The following FAM186A variants were observed in gnomAD, a reference collection of about 807,000 sequenced individuals.
FAM186A encodes family with sequence similarity 186 member A.
A neutral mutation model predicts 216.8 loss-of-function variants in FAM186A; 163 were observed. The observed-to-expected ratio is 0.75, with a 90% CI of 0.66 to 0.86. The LOEUF (loss-of-function observed/expected upper bound fraction) is 0.86, where lower values mean the gene tolerates loss of function less well. Among genes scored for constraint, FAM186A ranks in the 40% least tolerant of loss-of-function variants. The pLI, the probability that FAM186A is intolerant of heterozygous loss-of-function variation, is 0.00. For missense variants in FAM186A, 2,184 were observed against 2,746.2 expected (o/e 0.80, Z 4.58); for synonymous variants, 805 against 1,025.3 (o/e 0.79, Z 4.10).
In FAM186A at chr12:50,330,653, A is replaced by C. The variant is rs747055095; in HGVS notation, c.6954T>G (p.Gly2318=). Residue 2318 remains glycine (G), a synonymous_variant, in exon 7 of 8, where the codon GGT becomes GGG. Coordinates refer to ENST00000327337, the MANE Select transcript of FAM186A (RefSeq NM_001145475.3). ...TSMHSLWAQL[G]GYPDIPRLLQ... is the part of the protein sequence containing the mutation. Reference sequence around the variant, plus strand: ...GCAGCCTGGGAATATCTGGGTACCCACCCAGCTGGGCCCAGAGTGAATGCA... The same window carrying C: ...GCAGCCTGGGAATATCTGGGTACCCCCCCAGCTGGGCCCAGAGTGAATGCA... 20 of 1,550,470 alleles carry C rather than the reference A, an allele frequency of 1.3e-5. No individual in the cohort carries two copies. Among genetic ancestry groups the C allele is most frequent in the Non-Finnish European group, 1.6e-5 (18 of 1,146,524 alleles).
chr12:50,373,060 A>G (rs543757007), intron 1 of FAM186A, among the ~76,000 whole-genome samples: 255 of 147,116 alleles, frequency 1.7e-3, no homozygotes, highest in African/African-American at 6.2e-3. Flanking sequence ...AGAAAGAAAG[A>G]AAGAAAGAAA....
intron 7 of FAM186A, 50 bp downstream of exon 7, chr12:50,330,523 G>T: frequency 6.6e-7 from 1 of 1,522,754 alleles, no homozygotes; most frequent in Non-Finnish European, 8.8e-7. Flanking sequence ...GAACCAAAAG[G>T]TATATGATCA....
At chr12:50,363,998 C>T (rs529662128) in intron 1 of FAM186A, among the ~76,000 whole-genome samples, 5 of 152,172 alleles carry the variant, frequency 3.3e-5, no homozygotes, top group South Asian at 4.1e-4. Flanking sequence ...AAATTTTTTA[C>T]GGATGTAATT....
At chr12:50,357,035 TAC>T in intron 3 of FAM186A, among the ~76,000 whole-genome samples, 2 of 151,038 alleles carry the variant, frequency 1.3e-5, no homozygotes, top group African/African-American at 4.8e-5. Context: ...CATACATACA[TAC>T]ATACATACAT....
Position 50,354,781 on chromosome 12 carries a change from A to G in FAM186A, c.2051T>C (p.Ile684Thr), listed in dbSNP as rs1041193883. 11 of 1,534,420 alleles carry G rather than the reference A, an allele frequency of 7.2e-6. No homozygotes were observed. Among genetic ancestry groups the G allele is most frequent in the South Asian group, 3.8e-5 (3 of 79,584 alleles). ...GTCAAAAGCCTTTCCTATGTTATCA[A>G]TTTTCTGTTTTAGGAAAGCCATTAT... ...EAIMAFLKQK[I>T]DNIGKAFDKK... Residue 684 changes from isoleucine (I) to threonine (T), a missense_variant, in exon 4 of 8, where the codon ATT (isoleucine) becomes ACT (threonine). Ile to Thr is a moderately conservative substitution (Grantham distance 89). Around this residue, in one of 7 missense-constraint regions of FAM186A, gnomAD observed 1,132 missense variants for 1,263.4 expected, o/e 0.90. Coordinates refer to ENST00000327337, the MANE Select transcript of FAM186A (RefSeq NM_001145475.3).
intron 1 of FAM186A, among the ~76,000 whole-genome samples, chr12:50,377,202 G>T (rs1465260296): frequency 6.6e-6 from 1 of 152,176 alleles, no homozygotes; most frequent in East Asian, 1.9e-4. Flanking sequence ...TGTAATGACG[G>T]ACAAATACAT....
chr12:50,387,915 A>G (rs1943319014), intron 1 of FAM186A, among the ~76,000 whole-genome samples: 1 of 152,170 alleles, frequency 6.6e-6, no homozygotes, highest in South Asian at 2.1e-4. Flanking sequence ...AAGGACTCCC[A>G]TACCCTCACT....
chr12:50,386,876 C>CAA (rs775978020), intron 1 of FAM186A, among the ~76,000 whole-genome samples: 1,231 of 100,648 alleles, frequency 0.012, 21 homozygotes, highest in African/African-American at 0.041. Flanking sequence ...GACTCTGTCT[C>CAA]AAAAAAAAAA....
At position 50,354,818 on chromosome 12, in the gene FAM186A, A is replaced by G. The variant is rs1424542743; in HGVS notation, c.2014T>C (p.Phe672Leu). ...AGGAAAGCCATTATGGCTTCCTGAA[A>G]TTCTTCGAGGTTACTCTGTTCACTT... Reference protein sequence around the residue: ...GKSEQSNLEEFQEAIMAFLKQ... With the variant: ...GKSEQSNLEELQEAIMAFLKQ... Residue 672 changes from phenylalanine (F) to leucine (L), a missense_variant, in exon 4 of 8, where the codon TTT becomes CTT. This residue lies in a region of FAM186A where 1,132 missense variants were observed against 1,263.4 expected (regional missense o/e 0.90). Transcript: ENST00000327337. The G allele has an allele frequency of 3.9e-6, 6 of 1,535,478 alleles. No homozygotes were observed. The Admixed American group carries it at 6.4e-5, about 16-fold the overall frequency.
At chr12:50,359,897 T>A (rs1466382223) in intron 3 of FAM186A, among the ~76,000 whole-genome samples, 1 of 152,190 alleles carries the variant, frequency 6.6e-6, no homozygotes, top group Non-Finnish European at 1.5e-5. Flanking sequence ...GTAAAAGGAC[T>A]GACTATAAAT....
chr12:50,354,962 T>G lies in FAM186A; in HGVS notation c.1870A>C (p.Thr624Pro). The change falls in exon 4 of 8, where the codon ACT (threonine) becomes CCT (proline). Residue 624 changes from threonine to proline, a missense_variant. Physicochemically the swap from Thr to Pro is conservative, Grantham distance 38. This residue lies in a region of FAM186A where 1,132 missense variants were observed against 1,263.4 expected (regional missense o/e 0.90). Coordinates refer to ENST00000327337, the MANE Select transcript of FAM186A (RefSeq NM_001145475.3). ...TTGGTCAACTCTTCCTTCTCTTCAG[T>G]TTTTTCTTCTTTGCTTGTGATAGTT... is the stretch of plus-strand genomic sequence containing the variant. ...SGTITSKEEK[T>P]EEKEELTKQV... 1 of 1,549,606 alleles carries G rather than the reference T, an allele frequency of 6.5e-7. No homozygotes were observed. The highest frequency in any genetic ancestry group is 8.7e-7 in the Non-Finnish European group (1 of 1,146,610).
chr12:50,379,206 C>T (rs527381142), intron 1 of FAM186A, among the ~76,000 whole-genome samples: 11 of 151,880 alleles, frequency 7.2e-5, no homozygotes, highest in African/African-American at 2.2e-4. Flanking sequence ...TTTGGGAGGC[C>T]GAGGTGGGTG....
intron 1 of FAM186A, among the ~76,000 whole-genome samples, chr12:50,364,773 C>T (rs1443308418): frequency 6.6e-6 from 1 of 151,394 alleles, no homozygotes; most frequent in Non-Finnish European, 1.5e-5. Context: ...CATGGTGGCT[C>T]ATGCCTGTAA....
chr12:50,336,031 A>G (rs960685629), intron 4 of FAM186A, among the ~76,000 whole-genome samples: 1 of 151,544 alleles, frequency 6.6e-6, no homozygotes, highest in Non-Finnish European at 1.5e-5. Context: ...AGGCTGAGGC[A>G]GGAGAATCAC....
Position 50,355,436 on chromosome 12 carries a change from TG to T in FAM186A, c.1395del (p.Thr466HisfsTer11), listed in dbSNP as rs1942964117. ...YQSWKRSHKK[A>X]TYVYETSGPN... ...GGTCCAGAGGTCTCATATACATATG[TG>T]GCTTTTTTGTGGCTTCTTTTCCATG... is the stretch of plus-strand genomic sequence containing the variant. On this transcript the variant is annotated frameshift_variant, in exon 4 of 8. Coordinates refer to ENST00000327337, the MANE Select transcript of FAM186A (RefSeq NM_001145475.3). LOFTEE classifies it high-confidence loss of function. 28 of 1,551,176 alleles carry T rather than the reference TG, an allele frequency of 1.8e-5. No individual in the cohort carries two copies. Among genetic ancestry groups the T allele is most frequent in the Non-Finnish European group, 2.4e-5 (27 of 1,146,954 alleles).
chr12:50,355,699 A>G lies in FAM186A; in HGVS notation c.1133T>C (p.Leu378Ser). The G allele has an allele frequency of 6.4e-7, 1 of 1,551,174 alleles. No individual in the cohort carries two copies. The highest frequency in any genetic ancestry group is 8.7e-7 in the Non-Finnish European group (1 of 1,146,914). ...GDTEDNMDNILDKELENIVDE... is the reference protein window; with the variant it reads ...GDTEDNMDNISDKELENIVDE... Reference sequence around the variant, plus strand: ...TACAATATTTTCAAGTTCCTTGTCTAAAATATTGTCCATATTGTCCTCAGT... The same window carrying G: ...TACAATATTTTCAAGTTCCTTGTCTGAAATATTGTCCATATTGTCCTCAGT... The change falls in exon 4 of 8, where the codon TTA becomes TCA. Residue 378 changes from leucine (L) to serine (S), a missense_variant. Leu to Ser is a moderately radical substitution (Grantham distance 145, BLOSUM62 -2). Transcript: ENST00000327337.
rs528750865 is a variant in FAM186A at position 50,352,010 on chromosome 12, C to T, written c.4822G>A (p.Ala1608Thr). The stretch of plus-strand genomic sequence containing the variant: ...GTGAGAGGGATCCCCTGAGCCTGCG[C>T]CTGCTGAGGGGTGAGAGGGATCCCC... ...ELGIPLTPQQ[A>T]QAQGIPLTPQ... The change falls in exon 4 of 8, where the codon GCG (alanine) becomes ACG (threonine). Residue 1608 changes from alanine (A) to threonine (T), a missense_variant. Physicochemically the swap from Ala to Thr is moderately conservative, Grantham distance 58. Around this residue, in one of 7 missense-constraint regions of FAM186A, gnomAD observed 16 missense variants for 91.3 expected, o/e 0.18. Coordinates refer to ENST00000327337, the MANE Select transcript of FAM186A (RefSeq NM_001145475.3). 58 of 1,520,678 alleles carry T rather than the reference C, an allele frequency of 3.8e-5. 1 individual carries two copies. In the Admixed American group the frequency reaches 4.3e-4, roughly 11 times the overall value. The allele number at this position is 1,520,678 out of a possible 1,614,324, so 94.2% of individuals were successfully genotyped here. A position where few individuals can be genotyped will look rare whatever the true frequency, so the allele number is the denominator to read the frequency against.
chr12:50,340,697 ATGAAT>A (rs1406194565), intron 4 of FAM186A, among the ~76,000 whole-genome samples: 1 of 151,778 alleles, frequency 6.6e-6, no homozygotes, highest in African/African-American at 2.4e-5. Context: ...AAAAATGTTG[ATGAAT>A]TAAGTGATGC....
In FAM186A at chr12:50,357,876, G is replaced by A. The variant is rs77815732; in HGVS notation, c.584-1628C>T. ...AAAGCCCATGCCTAGTGGCATTGTC[G>A]GCTGAGGCAGGAGAATCGCTGAACC... On this transcript the variant is annotated intron_variant, in intron 3 of 7. Transcript: ENST00000327337. Among the ~76,000 whole-genome samples, 77 of 152,108 alleles carry A rather than the reference G, an allele frequency of 5.1e-4. No individual in the cohort carries two copies. In the East Asian group the frequency reaches 9.5e-3, roughly 19 times the overall value.
Sources: allele counts gnomAD v4.1 joint callset (sites outside exome capture counted in the v4.1 genomes callset), GRCh38; gene constraint gnomAD v4.1.1; regional missense constraint gnomAD v4.1.1; transcripts MANE v1.5; gene names NCBI Gene and HGNC (gene_info 2026-07-23, HGNC 2026-07-21).